FYCO1: variants seen among roughly 807,000 people sequenced by gnomAD.
The protein encoded by FYCO1 is FYVE and coiled-coil domain-containing protein 1.
Under a neutral mutation model 165.1 loss-of-function variants are expected in FYCO1, and 122 were observed. That is an observed-to-expected ratio of 0.74 (90% confidence interval 0.64 to 0.86). FYCO1 has a LOEUF of 0.86. Ranked by LOEUF, FYCO1 falls within the 40% of genes least tolerant of loss-of-function variation. The probability of loss-of-function intolerance (pLI) is 0.00; values close to 1 mark genes in which losing one functional copy is unlikely to be tolerated. For synonymous variants in FYCO1, 648 were observed against 742.5 expected (o/e 0.87, Z 2.07); for missense variants, 1,702 against 1,810.3 (o/e 0.94, Z 1.09).
intron 14 of FYCO1, among the ~76,000 whole-genome samples, chr3:45,937,802 C>A (rs1703982252): frequency 6.6e-6 from 1 of 152,212 alleles, no homozygotes; most frequent in Non-Finnish European, 1.5e-5. Flanking sequence ...TGTCTTCCTC[C>A]TTGCCTAACA....
chr3:45,970,022 C>G (rs1706331204), intron 6 of FYCO1, among the ~76,000 whole-genome samples: 1 of 152,230 alleles, frequency 6.6e-6, no homozygotes, highest in African/African-American at 2.4e-5. Flanking sequence ...GTATTTCCCA[C>G]TATTTGGTTT....
intron 3 of FYCO1, among the ~76,000 whole-genome samples, chr3:45,980,821 C>T (rs1455649474): frequency 6.6e-6 from 1 of 152,048 alleles, no homozygotes; most frequent in Non-Finnish European, 1.5e-5. Flanking sequence ...AAACAAAACA[C>T]AAAAATAGAA....
At chr3:45,927,583 A>G (rs1032448796) in intron 16 of FYCO1, among the ~76,000 whole-genome samples, 5 of 152,166 alleles carry the variant, frequency 3.3e-5, no homozygotes, top group African/African-American at 1.2e-4. Flanking sequence ...GTGTACAAAG[A>G]GTGTACACTG....
rs760314255 is a variant in FYCO1, at chr3:45,931,242, G to T, written c.4080C>A (p.Phe1360Leu). 2.5e-6 allele frequency: 4 copies of T among 1,613,886 alleles called. No homozygotes were observed. The highest frequency in any genetic ancestry group is 3.4e-6 in the Non-Finnish European group (4 of 1,179,948). ...VPLTVDEIAS[F>L]GEGSRELFVR... Reference sequence around the variant, plus strand: ...CAAACAGCTCCCTGCTACCCTCCCCGAAGCTGGCGATCTCATCCACTGTGA... The same window carrying T: ...CAAACAGCTCCCTGCTACCCTCCCCTAAGCTGGCGATCTCATCCACTGTGA... Residue 1360 changes from phenylalanine to leucine, a missense_variant, in exon 16 of 18, where the codon TTC (phenylalanine) becomes TTA (leucine). Transcript: ENST00000296137.
Position 45,959,501 on chromosome 3 carries a change from A to G in FYCO1, c.3479T>C (p.Phe1160Ser), listed in dbSNP as rs1471597487. The change falls in exon 12 of 18, where the codon TTC becomes TCC. Residue 1160 changes from phenylalanine (F) to serine (S), a missense_variant. Coordinates refer to ENST00000296137, the MANE Select transcript of FYCO1 (RefSeq NM_024513.4). Reference protein sequence around the residue: ...ALWQKSDALEFQQKLSAEERW... With the variant: ...ALWQKSDALESQQKLSAEERW... ...CTCCTCAGCACTGAGCTTCTGCTGG[A>G]ATTCCAGGGCATCTGACTTCTGCCA... 6.2e-7 allele frequency: 1 copy of G among 1,614,024 alleles called. No individual in the cohort carries two copies. The highest frequency in any genetic ancestry group is 1.3e-5 in the African/African-American group (1 of 74,930).
At position 45,969,760 on chromosome 3, in the gene FYCO1, G is replaced by T. The variant is rs748731437; in HGVS notation, c.545C>A (p.Thr182Lys). The stretch of plus-strand genomic sequence containing the variant: ...GTAAGCAGAAGAGCCAGTGGTCAGC[G>T]TCCTCCTGTGGGGCCACAAAACAGA... ...DAAWPTFARR[T>K]LTTGSSAYLW... Residue 182 changes from threonine to lysine, a missense_variant, in exon 7 of 18, where the codon ACG becomes AAG. By Grantham distance (78) the Thr-to-Lys change is moderately conservative. Transcript: ENST00000296137. 1 of 1,613,338 alleles carries T rather than the reference G, an allele frequency of 6.2e-7. No homozygotes were observed.
chr3:45,968,325 G>A lies in FYCO1; in HGVS notation c.1009C>T (p.Leu337=). ...TGCAGCATGGACTCCAGCCGCCGCA[G>A]GGCTGTGTGGTAGTCCTCCTCCTTC... ...AEKEEDYHTA[L]RRLESMLQPL... is the part of the protein sequence containing the mutation. The change falls in exon 8 of 18, where the codon CTG becomes TTG. Residue 337 remains leucine, a synonymous_variant. Transcript: ENST00000296137. 1.9e-6 allele frequency: 3 copies of A among 1,613,844 alleles called. No homozygotes were observed. The South Asian group carries it at 3.3e-5, about 18-fold the overall frequency.
chr3:45,963,391 TGACTTAACTAAGG>T (rs1203429965), intron 10 of FYCO1, among the ~76,000 whole-genome samples: 2 of 152,224 alleles, frequency 1.3e-5, no homozygotes, highest in African/African-American at 2.4e-5. Flanking sequence ...CATATGAACA[TGACTTAACTAAGG>T]GCAGCCAGTG....
At position 45,966,386 on chromosome 3, in the gene FYCO1, G is replaced by C; in HGVS notation, c.2948C>G (p.Ala983Gly). The C allele has an allele frequency of 6.2e-7, 1 of 1,613,966 alleles. No individual in the cohort carries two copies. Among genetic ancestry groups the C allele is most frequent in the Non-Finnish European group, 8.5e-7 (1 of 1,179,882 alleles). ...GSLPGLQAQL[A>G]QAEQRAQSLQ... ...GCTCTGGGCCCGCTGCTCTGCCTGGGCGAGCTGGGCCTGCAGGCCAGGCAG... is the reference window on the plus strand; with the variant it reads ...GCTCTGGGCCCGCTGCTCTGCCTGGCCGAGCTGGGCCTGCAGGCCAGGCAG... Residue 983 changes from alanine (A) to glycine (G), a missense_variant, in exon 8 of 18, where the codon GCC becomes GGC. By Grantham distance (60) the Ala-to-Gly change is moderately conservative. Coordinates refer to ENST00000296137, the MANE Select transcript of FYCO1 (RefSeq NM_024513.4).
At chr3:45,932,005 T>C (rs1272039444) in intron 15 of FYCO1, among the ~76,000 whole-genome samples, 1 of 152,222 alleles carries the variant, frequency 6.6e-6, no homozygotes, top group Non-Finnish European at 1.5e-5. Flanking sequence ...ACCCAGAGTG[T>C]GACGTGAAGA....
chr3:45,941,582 A>G (rs977308820), intron 14 of FYCO1, among the ~76,000 whole-genome samples: 1 of 152,268 alleles, frequency 6.6e-6, no homozygotes, highest in African/African-American at 2.4e-5. Flanking sequence ...CAAGTGGCTC[A>G]GCTCCTCAAA....
Position 45,981,669 on chromosome 3 carries a change from C to T in FYCO1, c.63G>A (p.Val21=), listed in dbSNP as rs1181299636. Reference sequence around the variant, plus strand: ...CCTGAAATTCTTTGCTTAGTTCTGTCACAGCATCTTTAAGACAACAAATAG... The same window carrying T: ...CCTGAAATTCTTTGCTTAGTTCTGTTACAGCATCTTTAAGACAACAAATAG... ...QRIIRDLQDA[V]TELSKEFQEA... The change falls in exon 3 of 18, where the codon GTG becomes GTA. Residue 21 remains valine (V), a synonymous_variant. Transcript: ENST00000296137. 7 of 1,609,632 alleles carry T rather than the reference C, an allele frequency of 4.3e-6. No individual in the cohort carries two copies. Among genetic ancestry groups the T allele is most frequent in the Middle Eastern group, 1.7e-4 (1 of 6,054 alleles).
At chr3:45,927,990 T>C (rs1361648677) in intron 16 of FYCO1, among the ~76,000 whole-genome samples, 4 of 152,274 alleles carry the variant, frequency 2.6e-5, no homozygotes, top group Non-Finnish European at 4.4e-5. Flanking sequence ...TCTTACTCTG[T>C]AGCCTTTTCA....
chr3:45,931,354 G>T, intron 15 of FYCO1, 73 bp from the exon 16 acceptor site: 1 of 1,440,712 alleles, frequency 6.9e-7, no homozygotes, highest in East Asian at 2.3e-5. Flanking sequence ...GGTCATCTGT[G>T]GCTCAGAGGT....
At chr3:45,948,734 AGAG>A (rs1295793736) in intron 14 of FYCO1, among the ~76,000 whole-genome samples, 1 of 152,258 alleles carries the variant, frequency 6.6e-6, no homozygotes, top group African/African-American at 2.4e-5. Flanking sequence ...TAGAATGCGC[AGAG>A]AAGTAGGCCA....
intron 14 of FYCO1, among the ~76,000 whole-genome samples, chr3:45,943,745 A>G (rs1479725083): frequency 1.3e-5 from 2 of 152,154 alleles, no homozygotes; most frequent in East Asian, 1.9e-4. Flanking sequence ...ACTACTGAAC[A>G]TGTTTCCAGG....
chr3:45,992,357 C>T (rs1195642608), intron 1 of FYCO1, among the ~76,000 whole-genome samples: 2 of 152,102 alleles, frequency 1.3e-5, no homozygotes, highest in Non-Finnish European at 2.9e-5. Context: ...ATGGGAGGGG[C>T]AAGCAGGACC....
chr3:45,952,161 A>G (rs1463456072), intron 14 of FYCO1, among the ~76,000 whole-genome samples: 1 of 152,216 alleles, frequency 6.6e-6, no homozygotes, highest in Admixed American at 6.5e-5. Context: ...CACGTGTAAG[A>G]GCAGCTGGTG....
chr3:45,934,095 A>C (rs1703767750), intron 15 of FYCO1, among the ~76,000 whole-genome samples: 1 of 152,232 alleles, frequency 6.6e-6, no homozygotes, highest in African/African-American at 2.4e-5. Context: ...CAGGGAAAAG[A>C]GAATTGGGGG....
Sources: gnomAD v4.1 joint callset for allele counts (sites outside exome capture counted in the v4.1 genomes callset) on GRCh38, gnomAD v4.1.1 for gene constraint, MANE v1.5 for transcripts, NCBI Gene and HGNC (gene_info 2026-07-23, HGNC 2026-07-21) for gene names.